Variants in PCDH15 observed in about 807,000 individuals in gnomAD.
PCDH15 encodes protocadherin-15.
Under a neutral mutation model 178.5 loss-of-function variants are expected in PCDH15, and 129 were observed. That is an observed-to-expected ratio of 0.72 (90% CI 0.63 to 0.84). The LOEUF (loss-of-function observed/expected upper bound fraction) is 0.84, where lower values mean the gene tolerates loss of function less well. PCDH15 is among the 40% of genes least tolerant of loss of function. The pLI is 0.00. For missense variants in PCDH15, 2,230 were observed against 2,099.9 expected (o/e 1.06, Z -1.21); for synonymous variants, 800 against 732.0 (o/e 1.09, Z -1.50).
Position 54,293,629 on chromosome 10 carries a change from CA to C in PCDH15, c.876+23641del, listed in dbSNP as rs150559387. Among the ~76,000 whole-genome samples the C allele has an allele frequency of 2.5e-3, 381 of 152,072 alleles. 1 individual carries two copies. Among genetic ancestry groups the C allele is most frequent in the African/African-American group, 6.8e-3 (283 of 41,480 alleles). The stretch of plus-strand genomic sequence containing the variant: ...CTCAAACAAATTTACAAGACAAAAA[CA>C]AAAAAACCCATTAAAAAGTGGTCAA... On this transcript the variant is annotated intron_variant, in intron 8 of 37. Transcript: ENST00000644397.
chr10:55,511,553 T>C (rs1840886389), intron 2 of PCDH15, among the ~76,000 whole-genome samples: 1 of 152,110 alleles, frequency 6.6e-6, no homozygotes, highest in Non-Finnish European at 1.5e-5. Flanking sequence ...TTTTGGGATT[T>C]AGCTACATGT....
At chr10:54,421,673 T>C (rs1416369938) in intron 3 of PCDH15, among the ~76,000 whole-genome samples, 1 of 36,574 alleles carries the variant, frequency 2.7e-5, no homozygotes, top group Non-Finnish European at 7.8e-5. Flanking sequence ...TATATATACA[T>C]ATATATATAT....
chr10:55,262,262 A>AG (rs369725548), intron 1 of PCDH15, among the ~76,000 whole-genome samples: 2 of 142,886 alleles, frequency 1.4e-5, no homozygotes, highest in African/African-American at 5.1e-5. Flanking sequence ...GTGATATGGG[A>AG]GGGGGGCAAA....
chr10:55,446,311 G>A (rs1589035223), intron 2 of PCDH15, among the ~76,000 whole-genome samples: 2 of 149,126 alleles, frequency 1.3e-5, no homozygotes, highest in South Asian at 2.1e-4. Flanking sequence ...ATAGATATGT[G>A]TATATATATA....
chr10:55,028,532 A>G (rs1365845415), intron 2 of PCDH15, among the ~76,000 whole-genome samples: 1 of 152,020 alleles, frequency 6.6e-6, no homozygotes, highest in East Asian at 1.9e-4. Context: ...ACTTTATAAA[A>G]CAGCTACATT....
chr10:54,263,425 G>T (rs1019553779), intron 8 of PCDH15, among the ~76,000 whole-genome samples: 2 of 152,192 alleles, frequency 1.3e-5, no homozygotes, highest in Admixed American at 1.3e-4. Context: ...TGCAGCAGTA[G>T]CTCTTCCCAT....
rs2045779795 is a variant in PCDH15, at chr10:54,162,172, A to G, written c.1591-8879T>C. 2.0e-5 allele frequency among the ~76,000 whole-genome samples: 3 copies of G among 151,890 alleles called. No homozygotes were observed. In the South Asian group the frequency reaches 6.2e-4, roughly 32 times the overall value. ...TGTTCATGTATTGTTTCATCATTTG[A>G]GTAACTTTCTTCCTTCTTCCTGCCT... On this transcript the variant is annotated intron_variant, in intron 13 of 37. Transcript: ENST00000644397.
rs553955605 is a variant in PCDH15, at chr10:54,830,712, T to C, written c.-29+66738A>G. On this transcript the variant is annotated intron_variant, in intron 3 of 5. Coordinates refer to the PCDH15 transcript ENST00000458638. Reference sequence around the variant, plus strand: ...AACAAACCTGCACATTATGTACATGTACCCTAAAACTTAAAGTATAATAAT... The same window carrying C: ...AACAAACCTGCACATTATGTACATGCACCCTAAAACTTAAAGTATAATAAT... 2.0e-3 allele frequency among the ~76,000 whole-genome samples: 300 copies of C among 151,502 alleles called. 1 individual carries two copies. Among genetic ancestry groups the C allele is most frequent in the African/African-American group, 6.9e-3 (285 of 41,224 alleles).
intron 2 of PCDH15, among the ~76,000 whole-genome samples, chr10:55,005,226 A>AATAATCATC (rs34847205): frequency 6.8e-6 from 1 of 146,520 alleles, no homozygotes; most frequent in Non-Finnish European, 1.5e-5. Flanking sequence ...TAATAATAAT[A>AATAATCATC]ATCAATGGAG....
At chr10:54,405,720 C>T (rs930321427) in intron 3 of PCDH15, among the ~76,000 whole-genome samples, 3 of 150,680 alleles carry the variant, frequency 2.0e-5, no homozygotes, top group Admixed American at 6.6e-5. Flanking sequence ...CTAAAAATTA[C>T]ATGCAATATT....
intron 15 of PCDH15, among the ~76,000 whole-genome samples, chr10:54,116,000 G>T (rs1457382275): frequency 6.6e-6 from 1 of 152,174 alleles, no homozygotes; most frequent in African/African-American, 2.4e-5. Flanking sequence ...AGAGGTTAAA[G>T]TTGAAAGAAG....
chr10:55,181,849 T>TAATACAGAGG (rs1839657842), intron 1 of PCDH15, among the ~76,000 whole-genome samples: 2 of 151,958 alleles, frequency 1.3e-5, no homozygotes, highest in Non-Finnish European at 2.9e-5. Context: ...AAGTAGGATT[T>TAATACAGAGG]TATAAATTTA....
At chr10:55,427,621 TC>T (rs1838788064) in intron 2 of PCDH15, among the ~76,000 whole-genome samples, 1 of 152,170 alleles carries the variant, frequency 6.6e-6, no homozygotes, top group African/African-American at 2.4e-5. Flanking sequence ...ATCGAATGCA[TC>T]TTGGAGTGGT....
chr10:53,844,776 C>A (rs980279721), intron 28 of PCDH15, among the ~76,000 whole-genome samples: 1 of 151,890 alleles, frequency 6.6e-6, no homozygotes, highest in African/African-American at 2.4e-5. Context: ...TGTAAAACTA[C>A]TAGTAGAAAA....
intron 3 of PCDH15, among the ~76,000 whole-genome samples, chr10:54,397,496 C>G (rs1165740465): frequency 6.6e-6 from 1 of 152,032 alleles, no homozygotes; most frequent in Non-Finnish European, 1.5e-5. Context: ...TGAATAAAGT[C>G]TTGCCTGTTT....
chr10:55,552,246 G>A (rs924423323), intron 2 of PCDH15, among the ~76,000 whole-genome samples: 1 of 151,522 alleles, frequency 6.6e-6, no homozygotes. Context: ...TAATAGAGTA[G>A]ATTTGGGAGA....
intron 3 of PCDH15, among the ~76,000 whole-genome samples, chr10:54,827,137 TTCACC>T (rs946486369): frequency 4.6e-5 from 7 of 152,078 alleles, no homozygotes; most frequent in African/African-American, 1.7e-4. Flanking sequence ...AGATAGCCAG[TTCACC>T]TCTGGATGAC....
At chr10:54,121,062 G>GAAAAAAAA (rs59572644) in intron 15 of PCDH15, among the ~76,000 whole-genome samples, 1 of 122,714 alleles carries the variant, frequency 8.1e-6, no homozygotes. Flanking sequence ...CTCAGCAAAT[G>GAAAAAAAA]AAAAAAAAAA....
chr10:54,805,729 A>G (rs114225243), upstream of PCDH15, among the ~76,000 whole-genome samples: 74 of 152,286 alleles, frequency 4.9e-4, 1 homozygote, highest in African/African-American at 1.8e-3. Flanking sequence ...GTTATTTGAG[A>G]AAAGCAATTT....
Sources: allele counts gnomAD v4.1 joint callset (sites outside exome capture counted in the v4.1 genomes callset), GRCh38; gene constraint gnomAD v4.1.1; transcripts MANE v1.5; gene names NCBI Gene and HGNC (gene_info 2026-07-23, HGNC 2026-07-21).